PCDH15: variants seen among roughly 807,000 people sequenced by gnomAD.
PCDH15 encodes protocadherin-15.
A neutral mutation model predicts 178.5 loss-of-function variants in PCDH15; 129 were observed. The observed-to-expected ratio is 0.72, with a 90% CI of 0.63 to 0.84. The LOEUF (loss-of-function observed/expected upper bound fraction) is 0.84. Ranked by LOEUF, PCDH15 falls within the 40% of genes least tolerant of loss-of-function variation. The probability of loss-of-function intolerance (pLI) is 0.00; values close to 1 mark genes in which losing one functional copy is unlikely to be tolerated. For synonymous variants in PCDH15, 800 were observed against 732.0 expected (o/e 1.09, Z -1.50); for missense variants, 2,230 against 2,099.9 (o/e 1.06, Z -1.21).
At chr10:53,995,809 G>C (rs747772983) in intron 20 of PCDH15, 44 bp from the exon 21 acceptor site, 1 of 1,560,120 alleles carries the variant, frequency 6.4e-7, no homozygotes, top group Non-Finnish European at 8.8e-7. Flanking sequence ...TTGAAACCAG[G>C]TTAGGGATAC....
At chr10:54,172,480 G>C (rs2047018035) in intron 13 of PCDH15, among the ~76,000 whole-genome samples, 1 of 152,090 alleles carries the variant, frequency 6.6e-6, no homozygotes, top group Admixed American at 6.5e-5. Flanking sequence ...AAGCCTGTTT[G>C]GTGGTCTCTT....
chr10:54,740,691 A>T (rs1944678953), intron 1 of PCDH15, among the ~76,000 whole-genome samples: 1 of 152,054 alleles, frequency 6.6e-6, no homozygotes, highest in South Asian at 2.1e-4. Flanking sequence ...TTAATACATT[A>T]AAAAGAATGC....
rs940328026 is a variant in PCDH15 at position 55,058,641 on chromosome 10, T to A, written c.-80+107935A>T. On this transcript the variant is annotated intron_variant, in intron 2 of 5. Transcript: ENST00000458638. ...TTAATACACATAATGTATGTTTTTTTATCTTTTTGTTATGTATGTATATAC... is the reference window on the plus strand; with the variant it reads ...TTAATACACATAATGTATGTTTTTTAATCTTTTTGTTATGTATGTATATAC... 3.3e-5 allele frequency among the ~76,000 whole-genome samples: 5 copies of A among 152,350 alleles called. No homozygotes were observed. The East Asian group carries it at 7.7e-4, about 23-fold the overall frequency.
At chr10:54,108,467 C>T (rs1033034450) in intron 15 of PCDH15, among the ~76,000 whole-genome samples, 2 of 152,118 alleles carry the variant, frequency 1.3e-5, no homozygotes, top group African/African-American at 2.4e-5. Flanking sequence ...AGGAGAATAA[C>T]CCAAACCAGC....
At chr10:55,276,952 T>G (rs1054734257) in intron 1 of PCDH15, among the ~76,000 whole-genome samples, 1 of 152,054 alleles carries the variant, frequency 6.6e-6, no homozygotes, top group Non-Finnish European at 1.5e-5. Context: ...GAAAGAATTC[T>G]CAGTATGATC....
At chr10:55,406,940 C>A (rs927693284) in intron 2 of PCDH15, among the ~76,000 whole-genome samples, 1 of 151,834 alleles carries the variant, frequency 6.6e-6, no homozygotes, top group African/African-American at 2.4e-5. Context: ...GAAAGTAATT[C>A]TTTTTTTAAA....
chr10:53,959,464 C>A (rs2088038714), intron 23 of PCDH15, among the ~76,000 whole-genome samples: 3 of 151,836 alleles, frequency 2.0e-5, no homozygotes, highest in South Asian at 2.1e-4. Context: ...AGAATTGAAA[C>A]CCCAAAATAT....
chr10:54,231,288 T>C (rs1376311520), intron 9 of PCDH15, among the ~76,000 whole-genome samples: 6 of 152,224 alleles, frequency 3.9e-5, no homozygotes, highest in South Asian at 4.1e-4. Context: ...GGCCTCTGCT[T>C]CAGAGCATGC....
At chr10:54,620,215 C>T (rs934965508) in intron 2 of PCDH15, among the ~76,000 whole-genome samples, 12 of 151,900 alleles carry the variant, frequency 7.9e-5, no homozygotes, top group African/African-American at 2.7e-4. Context: ...TTTATATAAA[C>T]ATAAATTTTT....
chr10:55,220,767 A>AT lies in PCDH15; in HGVS notation c.-155-54117dup, dbSNP rs35663143. Among the ~76,000 whole-genome samples, 662 of 152,120 alleles carry AT rather than the reference A, an allele frequency of 4.4e-3. 3 individuals carry two copies. The highest frequency in any genetic ancestry group is 8.8e-3 in the Admixed American group (135 of 15,270). ...ATCATTATGTGGCACATAAATGGAT[A>AT]TTTTTTCCTATGGATATAAAAATCA... is the stretch of plus-strand genomic sequence containing the variant. On this transcript the variant is annotated intron_variant, in intron 1 of 5. Transcript: ENST00000458638.
At chr10:54,828,132 C>A (rs1221336807) in intron 3 of PCDH15, among the ~76,000 whole-genome samples, 3 of 151,864 alleles carry the variant, frequency 2.0e-5, no homozygotes, top group Non-Finnish European at 4.4e-5. Context: ...TACAGGGAAG[C>A]AAATGTTTTG....
intron 2 of PCDH15, among the ~76,000 whole-genome samples, chr10:55,500,547 C>T (rs1023230662): frequency 1.1e-4 from 17 of 151,670 alleles, no homozygotes; most frequent in Middle Eastern, 3.2e-3. Context: ...AATGAAAATA[C>T]TAATTCAGTG....
At chr10:54,077,940 G>A (rs539536050) in intron 17 of PCDH15, among the ~76,000 whole-genome samples, 1 of 152,142 alleles carries the variant, frequency 6.6e-6, no homozygotes, top group Non-Finnish European at 1.5e-5. Context: ...TCATATGCCT[G>A]TAATTCCAGC....
chr10:54,166,980 C>T (rs979900174), intron 13 of PCDH15, among the ~76,000 whole-genome samples: 8 of 152,202 alleles, frequency 5.3e-5, no homozygotes, highest in African/African-American at 1.7e-4. Flanking sequence ...TTTCCTTTAC[C>T]TATCCAAATC....
rs73255935 is a variant in PCDH15 at position 54,454,525 on chromosome 10, T to C, written c.157+73287A>G. Among the ~76,000 whole-genome samples the C allele has an allele frequency of 5.6e-3, 841 of 151,264 alleles. 14 individuals are homozygous for C. Among genetic ancestry groups the C allele is most frequent in the African/African-American group, 0.02 (820 of 41,438 alleles). On this transcript the variant is annotated intron_variant, in intron 3 of 37. Coordinates refer to ENST00000644397, the MANE Select transcript of PCDH15 (RefSeq NM_001384140.1). ...AATAAGCATCTTATTCAACTGATGT[T>C]TAATAAATATTTCTGTGGATTATTC...
intron 17 of PCDH15, among the ~76,000 whole-genome samples, chr10:54,068,135 T>C (rs11004031): frequency 0.19 from 28,184 of 152,064 alleles, 2,989 homozygotes; most frequent in Non-Finnish European, 0.25. Flanking sequence ...TGATTGGATT[T>C]AGGTGATCTG....
chr10:55,238,103 T>G (rs1197445626), intron 1 of PCDH15, among the ~76,000 whole-genome samples: 1 of 151,356 alleles, frequency 6.6e-6, no homozygotes, highest in Non-Finnish European at 1.5e-5. Flanking sequence ...AACTTAAAAA[T>G]AAGCTTTAGT....
At chr10:55,366,585 C>T (rs375410287) in intron 2 of PCDH15, among the ~76,000 whole-genome samples, 3 of 152,174 alleles carry the variant, frequency 2.0e-5, no homozygotes, top group Admixed American at 6.5e-5. Context: ...CTCTTATAAG[C>T]TAACTATAGT....
intron 24 of PCDH15, among the ~76,000 whole-genome samples, chr10:53,940,586 T>C (rs926692480): frequency 3.3e-5 from 5 of 152,134 alleles, no homozygotes; most frequent in African/African-American, 9.7e-5. Flanking sequence ...TGAGGAAATG[T>C]CATTAAAATA....
Sources: gnomAD v4.1 joint callset for allele counts (sites outside exome capture counted in the v4.1 genomes callset) on GRCh38, gnomAD v4.1.1 for gene constraint, MANE v1.5 for transcripts, NCBI Gene and HGNC (gene_info 2026-07-23, HGNC 2026-07-21) for gene names.